NAV3: variants seen among roughly 807,000 people sequenced by gnomAD.
NAV3 encodes neuron navigator 3, also known as pore membrane and/or filament interacting like protein 1.
NAV3 carries 87 observed loss-of-function variants against 244.7 expected under a neutral mutation model. That is an observed-to-expected ratio of 0.36 (90% confidence interval 0.30 to 0.42). The LOEUF (loss-of-function observed/expected upper bound fraction) is 0.42, where lower values mean the gene tolerates loss of function less well. NAV3 is among the 20% of genes least tolerant of loss of function. NAV3 has a pLI of 1.00. For synonymous variants in NAV3, 1,126 were observed against 1,042.2 expected, an observed-to-expected ratio of 1.08 and a Z score of -1.55; for missense variants, 2,663 against 2,893.3, an observed-to-expected ratio of 0.92 and a Z score of 1.83.
chr12:77,831,777 T>C lies in NAV3; in HGVS notation c.243+73T>C, dbSNP rs1873750476. The C allele has an allele frequency of 1.3e-5, 19 of 1,474,650 alleles. 1 individual carries two copies. The highest frequency in any genetic ancestry group is 2.8e-5 in the African/African-American group (2 of 70,876). 91.3% of individuals were successfully genotyped at this position (1,474,650 alleles called of 1,614,324 possible). A position where few individuals can be genotyped will look rare whatever the true frequency, so the allele number is the denominator to read the frequency against. ...TTCTCTTTAAGTGCACTATAAAACA[T>C]GTTATGAAATGGGGAGTAGTAGAGG... is the stretch of plus-strand genomic sequence containing the variant. On this transcript the variant is annotated intron_variant, in intron 1 of 39. Coordinates refer to ENST00000397909, the MANE Select transcript of NAV3 (RefSeq NM_001024383.2).
intron 38 of NAV3, among the ~76,000 whole-genome samples, chr12:78,204,192 C>T (rs530113409): frequency 4.5e-5 from 6 of 134,128 alleles, no homozygotes; most frequent in South Asian, 2.7e-4. Flanking sequence ...CATCACACTC[C>T]GGGGACTGTT....
At chr12:77,714,977 A>G (rs986642099) in intron 2 of NAV3, among the ~76,000 whole-genome samples, 1 of 152,098 alleles carries the variant, frequency 6.6e-6, no homozygotes, top group Non-Finnish European at 1.5e-5. Context: ...TAACTCACAA[A>G]TATTTAATTT....
chr12:77,761,978 A>G (rs1037057990), intron 2 of NAV3, among the ~76,000 whole-genome samples: 2 of 107,740 alleles, frequency 1.9e-5, no homozygotes, highest in African/African-American at 4.7e-5. Flanking sequence ...ACATGCACAC[A>G]TATGTTTTTT....
intron 2 of NAV3, among the ~76,000 whole-genome samples, chr12:77,728,959 T>A (rs1014124440): frequency 3.9e-5 from 6 of 152,020 alleles, no homozygotes; most frequent in Non-Finnish European, 8.8e-5. Context: ...AAGACCTTTA[T>A]GATAGTCTGC....
At chr12:78,039,695 A>C (rs1415619222) in intron 9 of NAV3, among the ~76,000 whole-genome samples, 1 of 152,144 alleles carries the variant, frequency 6.6e-6, no homozygotes, top group Non-Finnish European at 1.5e-5. Flanking sequence ...AAAGCCTAAA[A>C]ATTAAGAGCA....
chr12:77,629,929 C>T lies in NAV3; in HGVS notation c.72+57663C>T, dbSNP rs368865995. On this transcript the variant is annotated intron_variant, in intron 2 of 8. Coordinates refer to the NAV3 transcript ENST00000550042. ...TACTGCAAACAAATACTACTACCAA[C>T]ACCAGCATCCTCAAAATTTCTATTA... Among the ~76,000 whole-genome samples the T allele has an allele frequency of 2.2e-4, 33 of 152,286 alleles. No individual in the cohort carries two copies. In the East Asian group the frequency reaches 2.5e-3, roughly 12 times the overall value.
At chr12:78,025,971 A>G (rs929951543) in intron 9 of NAV3, among the ~76,000 whole-genome samples, 2 of 152,150 alleles carry the variant, frequency 1.3e-5, no homozygotes, top group African/African-American at 4.8e-5. Flanking sequence ...ATAATCCTTT[A>G]TAGCGTCACA....
chr12:78,002,875 A>G (rs1014610547), intron 7 of NAV3, among the ~76,000 whole-genome samples: 1 of 151,932 alleles, frequency 6.6e-6, no homozygotes, highest in Non-Finnish European at 1.5e-5. Flanking sequence ...ATATCAATTT[A>G]TAAGACTAAA....
chr12:77,817,387 C>G (rs1872565310), intron 2 of NAV3, among the ~76,000 whole-genome samples: 1 of 152,130 alleles, frequency 6.6e-6, no homozygotes, highest in Non-Finnish European at 1.5e-5. Flanking sequence ...TTGTTTAAAT[C>G]AAATCCTCTG....
intron 2 of NAV3, among the ~76,000 whole-genome samples, chr12:77,692,559 AT>A (rs1193023803): frequency 7.2e-5 from 11 of 152,096 alleles, no homozygotes; most frequent in Non-Finnish European, 1.6e-4. Context: ...ACTAATCATG[AT>A]GAATATAAAA....
At chr12:78,055,322 C>A (rs745862412) in intron 11 of NAV3, among the ~76,000 whole-genome samples, 2 of 151,912 alleles carry the variant, frequency 1.3e-5, no homozygotes, top group Non-Finnish European at 2.9e-5. Flanking sequence ...TTGTTTTAAA[C>A]GTTTTTTAAC....
intron 9 of NAV3, among the ~76,000 whole-genome samples, chr12:78,031,056 G>C (rs1019744707): frequency 1.3e-5 from 2 of 152,160 alleles, no homozygotes; most frequent in African/African-American, 4.8e-5. Context: ...GAATAATTCT[G>C]CTTCCCAAGT....
At chr12:77,838,733 A>G (rs1592745194) in intron 1 of NAV3, among the ~76,000 whole-genome samples, 2 of 152,204 alleles carry the variant, frequency 1.3e-5, no homozygotes, top group East Asian at 1.9e-4. Flanking sequence ...TCCATATCCA[A>G]TTTTGAACTT....
At chr12:77,687,589 A>C (rs921448182) in intron 2 of NAV3, among the ~76,000 whole-genome samples, 1 of 152,134 alleles carries the variant, frequency 6.6e-6, no homozygotes, top group Non-Finnish European at 1.5e-5. Context: ...AGAGTTTTAA[A>C]CGCACTATTG....
chr12:77,796,163 A>T (rs1238555580), intron 2 of NAV3, among the ~76,000 whole-genome samples: 2 of 152,148 alleles, frequency 1.3e-5, no homozygotes, highest in South Asian at 2.1e-4. Context: ...CTGGAAAAAA[A>T]TTGCCATTCT....
chr12:77,781,941 A>G (rs555682193), intron 2 of NAV3, among the ~76,000 whole-genome samples: 2 of 152,160 alleles, frequency 1.3e-5, no homozygotes, highest in African/African-American at 2.4e-5. Context: ...GCTATGGTCT[A>G]TTGATTAGAA....
chr12:78,095,678 G>C (rs1336713819), intron 12 of NAV3, among the ~76,000 whole-genome samples: 1 of 152,170 alleles, frequency 6.6e-6, no homozygotes, highest in Non-Finnish European at 1.5e-5. Context: ...CACAGATGAA[G>C]ACATGCAGAT....
Position 78,092,008 on chromosome 12 carries a change from C to G in NAV3, c.2637-24764C>G, listed in dbSNP as rs375872961. ...TTTAATTTTGCTAATATTTCTTACC[C>G]CAGAATTCATTCATTATTCATTCAC... On this transcript the variant is annotated intron_variant, in intron 12 of 39. Coordinates refer to ENST00000397909, the MANE Select transcript of NAV3 (RefSeq NM_001024383.2). Among the ~76,000 whole-genome samples, 7 of 152,134 alleles carry G rather than the reference C, an allele frequency of 4.6e-5. No individual in the cohort carries two copies. In the East Asian group the frequency reaches 7.7e-4, roughly 17 times the overall value.
At chr12:78,109,242 G>C (rs2138364771) in intron 12 of NAV3, among the ~76,000 whole-genome samples, 1 of 152,038 alleles carries the variant, frequency 6.6e-6, no homozygotes, top group Middle Eastern at 3.4e-3. Flanking sequence ...CTACCAAGCT[G>C]TTGCATCAGG....
Sources: allele counts gnomAD v4.1 joint callset (sites outside exome capture counted in the v4.1 genomes callset), GRCh38; gene constraint gnomAD v4.1.1; transcripts MANE v1.5; gene names NCBI Gene and HGNC (gene_info 2026-07-23, HGNC 2026-07-21).